SUPT3H: variants seen among roughly 807,000 people sequenced by gnomAD.
SUPT3H encodes transcription initiation protein SPT3 homolog.
Under a neutral mutation model 44.3 loss-of-function variants are expected in SUPT3H, and 44 were observed. The ratio of observed to expected loss-of-function variants is 0.99; its 90% CI spans 0.78 to 1.28. SUPT3H has a LOEUF of 1.28. Among genes scored for constraint, SUPT3H ranks in the 50% most tolerant of loss-of-function variants. SUPT3H has a pLI of 0.00. For synonymous variants in SUPT3H, 124 were observed against 125.6 expected (o/e 0.99, Z 0.09); for missense variants, 380 against 387.1 (o/e 0.98, Z 0.15).
At chr6:45,010,291 T>G (rs1783295053) in intron 5 of SUPT3H, among the ~76,000 whole-genome samples, 1 of 152,120 alleles carries the variant, frequency 6.6e-6, no homozygotes, top group Non-Finnish European at 1.5e-5. Flanking sequence ...CAGAGGTAGT[T>G]GTACTTCTTT....
intron 2 of SUPT3H, among the ~76,000 whole-genome samples, chr6:45,166,841 C>T (rs1159725168): frequency 6.6e-6 from 1 of 152,148 alleles, no homozygotes; most frequent in African/African-American, 2.4e-5. Context: ...TACATACCCA[C>T]TAGAATGGCT....
rs1299838157 is a variant in SUPT3H at position 44,821,554 on chromosome 6, G to C, written c.*52+8210C>G. ...TTTAGTATCATTAGCTGGGAAAGGGGGTTAGAAAGAGTGGGAGGAAATAGC... is the reference window on the plus strand; with the variant it reads ...TTTAGTATCATTAGCTGGGAAAGGGCGTTAGAAAGAGTGGGAGGAAATAGC... On this transcript the variant is annotated intron_variant and NMD_transcript_variant, in intron 11 of 11. Coordinates refer to the SUPT3H transcript ENST00000475057. 2.6e-5 allele frequency among the ~76,000 whole-genome samples: 4 copies of C among 152,194 alleles called. No individual in the cohort carries two copies. In the East Asian group the frequency reaches 7.7e-4, roughly 29 times the overall value.
intron 2 of SUPT3H, among the ~76,000 whole-genome samples, chr6:45,152,438 G>C (rs73738615): frequency 6.6e-6 from 1 of 152,076 alleles, no homozygotes; most frequent in Non-Finnish European, 1.5e-5. Flanking sequence ...CTGGTTGTCT[G>C]CTTTCACCTC....
At chr6:44,893,383 C>G (rs1447044781) in intron 10 of SUPT3H, among the ~76,000 whole-genome samples, 1 of 152,010 alleles carries the variant, frequency 6.6e-6, no homozygotes, top group Non-Finnish European at 1.5e-5. Flanking sequence ...CCCCCTGCCC[C>G]CACCCCACAA....
intron 5 of SUPT3H, among the ~76,000 whole-genome samples, chr6:45,013,087 C>T (rs1216669460): frequency 1.3e-5 from 2 of 152,100 alleles, no homozygotes; most frequent in African/African-American, 4.8e-5. Flanking sequence ...TCCACTGTTT[C>T]TGATAATACC....
chr6:44,996,164 T>G (rs192700489), intron 6 of SUPT3H, among the ~76,000 whole-genome samples: 2 of 152,006 alleles, frequency 1.3e-5, no homozygotes, highest in African/African-American at 4.8e-5. Flanking sequence ...TGAATTGATA[T>G]TTTAAAATAC....
At chr6:45,192,887 T>C (rs1053696921) in intron 2 of SUPT3H, among the ~76,000 whole-genome samples, 1 of 152,156 alleles carries the variant, frequency 6.6e-6, no homozygotes, top group East Asian at 1.9e-4. Context: ...TCTAGTATTA[T>C]AGATATGAGA....
At chr6:44,885,119 G>A (rs929906209) in intron 10 of SUPT3H, among the ~76,000 whole-genome samples, 13 of 152,196 alleles carry the variant, frequency 8.5e-5, no homozygotes, top group African/African-American at 2.2e-4. Flanking sequence ...CAGGAAGCTC[G>A]AACTGGGTGG....
intron 10 of SUPT3H, among the ~76,000 whole-genome samples, chr6:44,831,220 C>CAGTGT (rs776190476): frequency 7.2e-5 from 11 of 152,268 alleles, no homozygotes; most frequent in South Asian, 4.1e-4. Context: ...CACTCCAGAT[C>CAGTGT]AGTGTATCAG....
chr6:44,842,109 A>G (rs1433338376), intron 10 of SUPT3H, among the ~76,000 whole-genome samples: 2 of 152,216 alleles, frequency 1.3e-5, no homozygotes, highest in Non-Finnish European at 2.9e-5. Context: ...CAGATGGCCT[A>G]TTAATGGACA....
chr6:45,295,548 A>AACAC (rs1554330141), intron 2 of SUPT3H, among the ~76,000 whole-genome samples: 1 of 90,218 alleles, frequency 1.1e-5, no homozygotes, highest in African/African-American at 4.2e-5. Context: ...AAAAAAAAAA[A>AACAC]AAAAAACAGC....
At chr6:45,371,332 T>C (rs1379133207) in intron 1 of SUPT3H, among the ~76,000 whole-genome samples, 1 of 151,442 alleles carries the variant, frequency 6.6e-6, no homozygotes, top group Non-Finnish European at 1.5e-5. Context: ...GGATTTACTG[T>C]AGGCATGTAA....
At chr6:44,941,825 A>T (rs748673525) in intron 9 of SUPT3H, among the ~76,000 whole-genome samples, 5 of 152,170 alleles carry the variant, frequency 3.3e-5, no homozygotes, top group Admixed American at 6.6e-5. Context: ...GATTACTTGA[A>T]CCATTATAGC....
chr6:44,993,099 G>C (rs923171414), intron 6 of SUPT3H, among the ~76,000 whole-genome samples: 3 of 152,146 alleles, frequency 2.0e-5, no homozygotes, highest in Non-Finnish European at 2.9e-5. Flanking sequence ...GGAGGTTGAG[G>C]CTGCAGTGAG....
At chr6:45,373,547 G>T (rs74867681) in intron 1 of SUPT3H, among the ~76,000 whole-genome samples, 3,049 of 150,894 alleles carry the variant, frequency 0.02, 57 homozygotes, top group South Asian at 0.086. Context: ...AATATTATTT[G>T]TGTGTGTGTG....
intron 10 of SUPT3H, among the ~76,000 whole-genome samples, chr6:44,922,678 A>C (rs1471269055): frequency 1.3e-5 from 2 of 152,188 alleles, no homozygotes; most frequent in Non-Finnish European, 1.5e-5. Flanking sequence ...ATATTCAACT[A>C]ATTTGTATAT....
intron 6 of SUPT3H, among the ~76,000 whole-genome samples, chr6:44,983,429 C>T (rs939015858): frequency 6.6e-6 from 1 of 151,990 alleles, no homozygotes; most frequent in Non-Finnish European, 1.5e-5. Context: ...CTTCAGTAGG[C>T]AAGGAATGTG....
At chr6:44,910,168 C>T (rs143313437) in intron 10 of SUPT3H, among the ~76,000 whole-genome samples, 1 of 152,136 alleles carries the variant, frequency 6.6e-6, no homozygotes, top group Admixed American at 6.5e-5. Flanking sequence ...CCTCCCTTCC[C>T]CTATCTTCTC....
At chr6:45,224,099 A>C (rs1766505042) in intron 2 of SUPT3H, among the ~76,000 whole-genome samples, 1 of 150,830 alleles carries the variant, frequency 6.6e-6, no homozygotes, top group Non-Finnish European at 1.5e-5. Flanking sequence ...ATATATTTTC[A>C]GTTAGAATTC....
Sources: allele counts gnomAD v4.1 joint callset (sites outside exome capture counted in the v4.1 genomes callset), GRCh38; gene constraint gnomAD v4.1.1; transcripts MANE v1.5; gene names NCBI Gene and HGNC (gene_info 2026-07-23, HGNC 2026-07-21).